Variants in GRIK3 observed in about 807,000 individuals in gnomAD.
The protein encoded by GRIK3 is glutamate ionotropic receptor kainate type subunit 3, also known as glutamate receptor ionotropic, kainate 3.
In GRIK3, 29 loss-of-function variants were observed where a neutral mutation model predicts 102.5. The observed-to-expected ratio is 0.28, with a 90% CI of 0.21 to 0.39. GRIK3 has a LOEUF of 0.39. GRIK3 is among the 10% of genes least tolerant of loss of function. GRIK3 has a pLI of 1.00. For missense variants in GRIK3, 908 were observed against 1,252.4 expected (o/e 0.73, Z 4.15); for synonymous variants, 511 against 504.9 (o/e 1.01, Z -0.16).
intron 1 of GRIK3, among the ~76,000 whole-genome samples, chr1:37,018,942 C>G (rs886179463): frequency 1.3e-5 from 2 of 152,122 alleles, no homozygotes; most frequent in African/African-American, 4.8e-5. Context: ...TGCTGCAACC[C>G]CAGAAATAAA....
At chr1:36,810,600 A>T (rs1448342165) in intron 13 of GRIK3, among the ~76,000 whole-genome samples, 1 of 152,240 alleles carries the variant, frequency 6.6e-6, no homozygotes, top group Admixed American at 6.5e-5. Flanking sequence ...GCAATTCCAA[A>T]GGGAGCTGAA....
rs376728492 is a variant in GRIK3, at chr1:36,969,314, G to T, written c.115+64680C>A. Among the ~76,000 whole-genome samples the T allele has an allele frequency of 2.0e-4, 31 of 152,310 alleles. 1 individual carries two copies. In the South Asian group the frequency reaches 6.0e-3, roughly 29 times the overall value. On this transcript the variant is annotated intron_variant, in intron 1 of 15. Transcript: ENST00000373091. ...TCTGGTCATCCTCTCTCCATTCTGAGAACAGTGAACGTTTAATAAGGAGAC... is the reference window on the plus strand; with the variant it reads ...TCTGGTCATCCTCTCTCCATTCTGATAACAGTGAACGTTTAATAAGGAGAC...
intron 9 of GRIK3, among the ~76,000 whole-genome samples, chr1:36,846,870 A>G (rs1399702048): frequency 6.6e-6 from 1 of 152,222 alleles, no homozygotes; most frequent in Non-Finnish European, 1.5e-5. Flanking sequence ...AGGAGACTCC[A>G]AGGACACTTC....
At chr1:36,971,894 C>A (rs1391622560) in intron 1 of GRIK3, among the ~76,000 whole-genome samples, 1 of 152,188 alleles carries the variant, frequency 6.6e-6, no homozygotes. Flanking sequence ...GGCCTGGAGA[C>A]ACCCTTTTGG....
chr1:36,977,784 C>T (rs929959833), intron 1 of GRIK3, among the ~76,000 whole-genome samples: 2 of 152,196 alleles, frequency 1.3e-5, no homozygotes, highest in Non-Finnish European at 2.9e-5. Context: ...CCCACCCACC[C>T]ATTAGCAGGA....
chr1:36,855,081 C>A (rs1030442115), intron 7 of GRIK3, among the ~76,000 whole-genome samples: 8 of 152,100 alleles, frequency 5.3e-5, no homozygotes, highest in African/African-American at 1.9e-4. Context: ...TCCTTGGGAA[C>A]AAATGTGCAC....
chr1:36,999,837 C>T (rs1231078502), intron 1 of GRIK3, among the ~76,000 whole-genome samples: 1 of 152,098 alleles, frequency 6.6e-6, no homozygotes, highest in African/African-American at 2.4e-5. Context: ...TTAGAACTTA[C>T]CATTACTAAA....
rs773808341 is a variant in GRIK3 at position 36,797,737 on chromosome 1, G to C, written c.*4114C>G. 9 of 152,256 alleles carry C rather than the reference G, an allele frequency of 5.9e-5. No homozygotes were observed. The highest frequency in any genetic ancestry group is 2.1e-4 in the South Asian group (1 of 4,836). 9.4% of individuals were successfully genotyped at this position (152,256 alleles called of 1,614,324 possible). ...TTTCAGATGTTTGTGCATGTAGCTG[G>C]GAGTGGCTCAGGGAGGGACCAACTT... On this transcript the variant is annotated 3_prime_UTR_variant, in exon 16 of 16. Coordinates refer to ENST00000373091, the MANE Select transcript of GRIK3 (RefSeq NM_000831.4).
At position 36,806,586 on chromosome 1, in the gene GRIK3, T is replaced by C. The variant is rs537818521; in HGVS notation, c.2092-260A>G. On this transcript the variant is annotated intron_variant, in intron 13 of 15. Transcript: ENST00000373091. This position sits in a 1 kb window ranked among gnomAD's most constrained non-coding sequence, Gnocchi z 4.0. ...ACCCTGGCCATGGCACAAGTGGTCT[T>C]CAAGCTGACTTTTTAAACATGGATT... Among the ~76,000 whole-genome samples, 1 of 152,326 alleles carries C rather than the reference T, an allele frequency of 6.6e-6. No homozygotes were observed. Among genetic ancestry groups the C allele is most frequent in the South Asian group, 2.1e-4 (1 of 4,824 alleles).
Position 36,850,620 on chromosome 1 carries a change from A to G in GRIK3, c.1213-196T>C, listed in dbSNP as rs751064538. The stretch of plus-strand genomic sequence containing the variant: ...CCCTGCAGCTCTCCCTCCTCTCCTG[A>G]CGAGGGTCCCAGGGTGTCGAATCTC... On this transcript the variant is annotated intron_variant, in intron 8 of 15. Coordinates refer to ENST00000373091, the MANE Select transcript of GRIK3 (RefSeq NM_000831.4). This position sits in a 1 kb window ranked among gnomAD's most constrained non-coding sequence, Gnocchi z 4.0. 2.5e-4 allele frequency among the ~76,000 whole-genome samples: 38 copies of G among 152,240 alleles called. No individual in the cohort carries two copies. Among genetic ancestry groups the G allele is most frequent in the Non-Finnish European group, 2.8e-4 (19 of 68,010 alleles).
intron 1 of GRIK3, among the ~76,000 whole-genome samples, chr1:36,969,423 C>T (rs1229105553): frequency 6.6e-6 from 1 of 152,222 alleles, no homozygotes; most frequent in African/African-American, 2.4e-5. Context: ...CAAGTTTGAT[C>T]TTGACAAATT....
chr1:37,024,134 G>A (rs1642742608), intron 1 of GRIK3, among the ~76,000 whole-genome samples: 2 of 152,216 alleles, frequency 1.3e-5, no homozygotes, highest in Non-Finnish European at 1.5e-5. Flanking sequence ...TGTATAACTA[G>A]ACACCAAAGC....
chr1:36,853,823 C>A, intron 7 of GRIK3, 101 bp from the exon 8 acceptor site: 1 of 724,400 alleles, frequency 1.4e-6, no homozygotes, highest in Non-Finnish European at 2.5e-6. Context: ...TGCACTGATA[C>A]TGTTCCCCCA....
chr1:36,927,566 A>G (rs1276858960), intron 1 of GRIK3, among the ~76,000 whole-genome samples: 1 of 152,020 alleles, frequency 6.6e-6, no homozygotes, highest in Non-Finnish European at 1.5e-5. Context: ...TTCAGGCCAC[A>G]CTCCATGTCG....
intron 1 of GRIK3, among the ~76,000 whole-genome samples, chr1:36,970,139 C>T (rs1465630561): frequency 6.6e-6 from 1 of 152,124 alleles, no homozygotes; most frequent in Non-Finnish European, 1.5e-5. Flanking sequence ...TTAATAAACA[C>T]ATACAGAGGC....
chr1:36,927,444 G>A (rs1641539354), intron 1 of GRIK3, among the ~76,000 whole-genome samples: 1 of 151,248 alleles, frequency 6.6e-6, no homozygotes, highest in South Asian at 2.1e-4. Context: ...TTTCTTTTTT[G>A]CCGGATGTGA....
chr1:36,875,992 G>A (rs76853699), intron 3 of GRIK3, among the ~76,000 whole-genome samples: 1 of 152,272 alleles, frequency 6.6e-6, no homozygotes, highest in East Asian at 1.9e-4. Flanking sequence ...AGAATAATAG[G>A]TATGGACCCA....
intron 13 of GRIK3, among the ~76,000 whole-genome samples, chr1:36,809,131 A>C (rs905397091): frequency 6.6e-6 from 1 of 151,928 alleles, no homozygotes; most frequent in South Asian, 2.1e-4. Context: ...CATCTAATCT[A>C]TCCTTCCAAT....
intron 1 of GRIK3, among the ~76,000 whole-genome samples, chr1:36,973,919 C>T (rs1004986209): frequency 6.6e-6 from 1 of 152,142 alleles, no homozygotes; most frequent in African/African-American, 2.4e-5. Flanking sequence ...CACTCAGCCC[C>T]TCATGAGAAA....
Sources: gnomAD v4.1 joint callset for allele counts (sites outside exome capture counted in the v4.1 genomes callset) on GRCh38, gnomAD v4.1.1 for gene constraint, Gnocchi (gnomAD v3.1) non-coding constraint, MANE v1.5 for transcripts, NCBI Gene and HGNC (gene_info 2026-07-23, HGNC 2026-07-21) for gene names.